Variants in FLT3LG observed in about 807,000 individuals in gnomAD.
FLT3LG encodes the protein fms related receptor tyrosine kinase 3 ligand.
Under a neutral mutation model 30.9 loss-of-function variants are expected in FLT3LG, and 8 were observed. The observed-to-expected ratio is 0.26, with a 90% CI of 0.15 to 0.47. The LOEUF (loss-of-function observed/expected upper bound fraction) is 0.47. Among genes scored for constraint, FLT3LG ranks in the 20% least tolerant of loss-of-function variants. The pLI, the probability that FLT3LG is intolerant of heterozygous loss-of-function variation, is 0.99. For missense variants in FLT3LG, 278 were observed against 306.2 expected, an observed-to-expected ratio of 0.91 and a Z score of 0.69; for synonymous variants, 123 against 135.9, an observed-to-expected ratio of 0.91 and a Z score of 0.66.
At chr19:49,484,827 C>A (rs1456373197) in intron 8 of FLT3LG, among the ~76,000 whole-genome samples, 4 of 152,134 alleles carry the variant, frequency 2.6e-5, no homozygotes, top group Non-Finnish European at 4.4e-5. Flanking sequence ...GTATCTCACC[C>A]AGCATGGTGG....
At chr19:49,483,591 C>T (rs2079687739) in intron 8 of FLT3LG, among the ~76,000 whole-genome samples, 1 of 151,644 alleles carries the variant, frequency 6.6e-6, no homozygotes, top group African/African-American at 2.4e-5. Context: ...GGTGTGGTGG[C>T]ACATGCCTGC....
chr19:49,479,194 A>AT (rs5828400), intron 6 of FLT3LG, 147 bp downstream of exon 6: 49,039 of 471,752 alleles, frequency 0.1, 149 homozygotes, highest in East Asian at 0.11. Context: ...CAGTTTACCA[A>AT]TTTTTTTTTT....
rs558220166 is a variant in FLT3LG at position 49,475,600 on chromosome 19, G to A, written c.34-91G>A. ...GAAGGACACCCAGGGAAGGAGGAGC[G>A]GGGAAGACAGAACAGTACAGGTGGG... On this transcript the variant is annotated intron_variant, in intron 2 of 8. Coordinates refer to ENST00000597551, the MANE Select transcript of FLT3LG (RefSeq NM_001459.4). 377 of 1,479,556 alleles carry A rather than the reference G, an allele frequency of 2.5e-4. No homozygotes were observed. The African/African-American group carries it at 3.8e-3, about 15-fold the overall frequency. The allele number at this position is 1,479,556 out of a possible 1,614,324, so 91.7% of individuals were successfully genotyped here.
At chr19:49,474,533 A>T in intron 1 of FLT3LG, 70 bp from the exon 2 acceptor site, 1 of 936,088 alleles carries the variant, frequency 1.1e-6, no homozygotes, top group Non-Finnish European at 1.5e-6. Flanking sequence ...AGGGGCGGGG[A>T]GGCAAAGGGG....
At chr19:49,475,589 GA>G (rs2079362429) in intron 2 of FLT3LG, 101 bp from the exon 3 acceptor site, 1 of 1,432,720 alleles carries the variant, frequency 7.0e-7, no homozygotes, top group Admixed American at 2.4e-5. Flanking sequence ...GACACCCAGG[GA>G]AGGAGGAGCG....
intron 8 of FLT3LG, 94 bp downstream of exon 8, chr19:49,480,714 G>A (rs1359878284): frequency 2.3e-6 from 3 of 1,313,800 alleles, no homozygotes; most frequent in Non-Finnish European, 3.2e-6. Flanking sequence ...CAGTGGAGGG[G>A]CAGGGGCAGC....
chr19:49,477,247 C>T (rs1406063486), intron 5 of FLT3LG, among the ~76,000 whole-genome samples: 1 of 152,062 alleles, frequency 6.6e-6, no homozygotes, highest in Non-Finnish European at 1.5e-5. Flanking sequence ...TCAAGACCAG[C>T]CCGGGTAACA....
intron 8 of FLT3LG, among the ~76,000 whole-genome samples, chr19:49,482,645 C>T (rs1217061149): frequency 4.9e-5 from 7 of 143,702 alleles, no homozygotes; most frequent in Non-Finnish European, 9.0e-5. Flanking sequence ...TTTTTTTTTC[C>T]TGAGATGGAG....
intron 8 of FLT3LG, chr19:49,480,850 G>A: frequency 5.5e-6 from 3 of 541,254 alleles, no homozygotes; most frequent in Non-Finnish European, 1.0e-5. Flanking sequence ...TGGCCAACAT[G>A]GCAAACCCCA....
At chr19:49,482,014 G>C (rs1020441269) in intron 8 of FLT3LG, 1 of 151,676 alleles carries the variant, frequency 6.6e-6, no homozygotes, top group African/African-American at 2.4e-5. Flanking sequence ...TTCCACAAAT[G>C]AACTCACTTC....
chr19:49,479,960 T>C (rs1191615317), intron 6 of FLT3LG, among the ~76,000 whole-genome samples: 1 of 152,006 alleles, frequency 6.6e-6, no homozygotes, highest in Non-Finnish European at 1.5e-5. Context: ...GCGCATACCA[T>C]GCCTGGCTAG....
Position 49,474,221 on chromosome 19 carries a change from A to C in FLT3LG, c.-98A>C. 4.8e-6 allele frequency: 1 copy of C among 209,654 alleles called. No individual in the cohort carries two copies. Among genetic ancestry groups the C allele is most frequent in the Non-Finnish European group, 9.7e-6 (1 of 102,892 alleles). 13.0% of individuals were successfully genotyped at this position (209,654 alleles called of 1,614,324 possible). A position where few individuals can be genotyped will look rare whatever the true frequency, so the allele number is the denominator to read the frequency against. ...TGTCTCCCCCCAAAAATTTCCTTTC[A>C]CTTTCGGTCTCTGGCTGTCACCCGG... On this transcript the variant is annotated 5_prime_UTR_variant, in exon 1 of 9. Transcript: ENST00000597551.
chr19:49,485,239 CTTTTTTTTCTT>C (rs1395477395), intron 8 of FLT3LG, among the ~76,000 whole-genome samples: 29 of 140,860 alleles, frequency 2.1e-4, no homozygotes, highest in African/African-American at 7.4e-4. Flanking sequence ...GTTTCTTTTT[CTTTTTTTTCTT>C]TTTTTTTTTT....
At chr19:49,477,183 G>A (rs527552558) in intron 5 of FLT3LG, among the ~76,000 whole-genome samples, 3 of 152,090 alleles carry the variant, frequency 2.0e-5, no homozygotes, top group Non-Finnish European at 4.4e-5. Flanking sequence ...GCTCACACCT[G>A]TAATCCCAGC....
intron 8 of FLT3LG, among the ~76,000 whole-genome samples, chr19:49,484,343 G>A (rs923847193): frequency 7.5e-6 from 1 of 133,644 alleles, no homozygotes; most frequent in African/African-American, 2.9e-5. Context: ...TAGCCAGGCT[G>A]GAGTGCAGTG....
Position 49,480,712 on chromosome 19 carries a change from G to A in FLT3LG, c.*21+92G>A, listed in dbSNP as rs1431740123. On this transcript the variant is annotated intron_variant, in intron 8 of 8. Transcript: ENST00000597551. ...CATGGAAGGGTGGTGAGCAGTGGAG[G>A]GGCAGGGGCAGCTCTAGGTGCAGAA... 9.8e-6 allele frequency: 13 copies of A among 1,327,678 alleles called. No homozygotes were observed. The East Asian group carries it at 1.5e-4, about 15-fold the overall frequency. 82.2% of individuals were successfully genotyped at this position (1,327,678 alleles called of 1,614,324 possible).
At position 49,476,333 on chromosome 19, in the gene FLT3LG, A is replaced by T. The variant is rs1225091653; in HGVS notation, c.199-90A>T. ...GAGTCCTCAGCCCCTCCTCCCTCAG[A>T]CCCAGGAGCCCCGGCCCAGCCCCTC... is the stretch of plus-strand genomic sequence containing the variant. On this transcript the variant is annotated intron_variant, in intron 4 of 8. Transcript: ENST00000597551. The surrounding 1 kb of genome is among the most constrained non-coding windows in gnomAD (Gnocchi z 5.3). The T allele has an allele frequency of 1.3e-6, 2 of 1,500,556 alleles. No individual in the cohort carries two copies. The highest frequency in any genetic ancestry group is 2.8e-5 in the African/African-American group (2 of 72,224). The allele number at this position is 1,500,556 out of a possible 1,614,324, so 93.0% of individuals were successfully genotyped here.
chr19:49,476,040 C>G lies in FLT3LG; in HGVS notation c.145-105C>G. 6 of 1,335,710 alleles carry G rather than the reference C, an allele frequency of 4.5e-6. No homozygotes were observed. Among genetic ancestry groups the G allele is most frequent in the Non-Finnish European group, 5.4e-6 (5 of 930,672 alleles). 82.7% of individuals were successfully genotyped at this position (1,335,710 alleles called of 1,614,324 possible). A position where few individuals can be genotyped will look rare whatever the true frequency, so the allele number is the denominator to read the frequency against. ...GTGGCTTCTTCTGGGCTCCCCCTCT[C>G]TTGGTCTTGTCCCTCTCTCTCTGGA... On this transcript the variant is annotated intron_variant, in intron 3 of 8. Transcript: ENST00000597551. This position sits in a 1 kb window ranked among gnomAD's most constrained non-coding sequence, Gnocchi z 5.3.
rs2079370388 is a variant in FLT3LG at position 49,475,736 on chromosome 19, ACCCAGGACTGCTCCT to A, written c.80_94del (p.Thr27_Phe32delinsIle). ...GCTGCTGAGCTCGGGACTCAGTGGGACCCAGGACTGCTCCTTCCAACACAGCCCCATCTCCTCCGA... is the reference window on the plus strand; with the variant it reads ...GCTGCTGAGCTCGGGACTCAGTGGGATCCAACACAGCCCCATCTCCTCCGA... On this transcript the variant is annotated inframe_deletion, in exon 3 of 9. Transcript: ENST00000597551. 6.2e-7 allele frequency: 1 copy of A among 1,611,368 alleles called. No homozygotes were observed. Among genetic ancestry groups the A allele is most frequent in the Admixed American group, 1.7e-5 (1 of 59,948 alleles).
Sources: allele counts gnomAD v4.1 joint callset (sites outside exome capture counted in the v4.1 genomes callset), GRCh38; gene constraint gnomAD v4.1.1; non-coding constraint Gnocchi (gnomAD v3.1); transcripts MANE v1.5; gene names NCBI Gene and HGNC (gene_info 2026-07-23, HGNC 2026-07-21).